The following NRK variants were observed in gnomAD, a reference collection of about 807,000 sequenced individuals.
NRK encodes nik-related protein kinase.
A neutral mutation model predicts 125.2 loss-of-function variants in NRK; 67 were observed. That is an observed-to-expected ratio of 0.54 (90% confidence interval 0.44 to 0.66). The LOEUF is 0.66. Ranked by LOEUF, NRK falls within the 30% of genes least tolerant of loss-of-function variation. The pLI is 0.00. For synonymous variants in NRK, 458 were observed against 429.0 expected (o/e 1.07, Z -0.84); for missense variants, 1,224 against 1,192.9 (o/e 1.03, Z -0.38).
At chrX:105,902,705 C>A (rs988740678) in intron 9 of NRK, among the ~76,000 whole-genome samples, 1 of 111,836 alleles carries the variant, frequency 8.9e-6, no homozygotes, top group African/African-American at 3.3e-5. Context: ...TGACTCCTGT[C>A]AGATCAGCAA....
upstream of NRK, among the ~76,000 whole-genome samples, chrX:105,822,352 C>T (rs2039031608): frequency 9.0e-6 from 1 of 111,727 alleles, no homozygotes; most frequent in African/African-American, 3.3e-5. Context: ...CGCGAAGGGC[C>T]TGCTCGCAAA....
At position 105,908,769 on chromosome X, in the gene NRK, C is replaced by T. The variant is rs1799370147; in HGVS notation, c.1128C>T (p.Ser376=). The T allele has an allele frequency of 8.3e-7, 1 of 1,202,905 alleles. No homozygotes were observed. The highest frequency in any genetic ancestry group is 1.8e-5 in the African/African-American group (1 of 57,016). The change falls in exon 13 of 29, where the codon AGC becomes AGT. Residue 376 remains serine (S), a synonymous_variant. Coordinates refer to ENST00000243300, the MANE Select transcript of NRK (RefSeq NM_198465.4). Reference sequence around the variant, plus strand: ...ACGAGCTTCTGAGATTGCCAACCAGCAGCAGATGCAGACCACTTAGAGTCC... The same window carrying T: ...ACGAGCTTCTGAGATTGCCAACCAGTAGCAGATGCAGACCACTTAGAGTCC... ...CTHELLRLPT[S]SRCRPLRVLH... is the part of the protein sequence containing the mutation.
chrX:105,951,688 A>G (rs1435258979), intron 27 of NRK, among the ~76,000 whole-genome samples: 2 of 112,280 alleles, frequency 1.8e-5, no homozygotes, highest in Non-Finnish European at 3.8e-5. Context: ...AGGCTTAACA[A>G]TTGCATCAGG....
At chrX:105,949,551 A>C in intron 26 of NRK, 24 bp from the exon 27 acceptor site, 1 of 1,149,984 alleles carries the variant, frequency 8.7e-7, no homozygotes, top group Non-Finnish European at 1.2e-6. Context: ...TGGACATATA[A>C]ATCTTTATGA....
intron 5 of NRK, among the ~76,000 whole-genome samples, chrX:105,889,805 C>T (rs1295569135): frequency 8.9e-6 from 1 of 112,351 alleles, no homozygotes; most frequent in Non-Finnish European, 1.9e-5. Flanking sequence ...AGTCCCTAGG[C>T]TGCACACAGC....
chrX:105,853,706 T>C (rs2039500496), intron 2 of NRK, among the ~76,000 whole-genome samples: 1 of 112,303 alleles, frequency 8.9e-6, no homozygotes, highest in South Asian at 3.6e-4. Flanking sequence ...GTTCTTAGGA[T>C]ATATAGATTT....
At chrX:105,952,390 G>A (rs1318626563) in intron 27 of NRK, among the ~76,000 whole-genome samples, 1 of 111,813 alleles carries the variant, frequency 8.9e-6, no homozygotes, top group East Asian at 2.8e-4. Flanking sequence ...TTAGGTTTAA[G>A]GCAATTATTG....
chrX:105,939,251 G>A (rs1238323682), intron 22 of NRK, among the ~76,000 whole-genome samples: 1 of 111,554 alleles, frequency 9.0e-6, no homozygotes, highest in Non-Finnish European at 1.9e-5. Flanking sequence ...TGATTATAAA[G>A]TCACTATATA....
rs1825294935 is a variant in NRK at position 105,956,487 on chromosome X, TCAGA to T, written c.*891_*894del. 1 of 111,912 alleles carries T rather than the reference TCAGA, an allele frequency of 8.9e-6. No homozygotes were observed. The highest frequency in any genetic ancestry group is 3.2e-5 in the African/African-American group (1 of 30,770). The allele number at this position is 111,912 out of a possible 1,213,427, so 9.2% of individuals were successfully genotyped here. On this transcript the variant is annotated 3_prime_UTR_variant, in exon 29 of 29. Coordinates refer to ENST00000243300, the MANE Select transcript of NRK (RefSeq NM_198465.4). ...TATTATCTGGCCAACAGTGTGACTATCAGACAGCATCAAATATTTGCCCAATCCA... is the reference window on the plus strand; with the variant it reads ...TATTATCTGGCCAACAGTGTGACTATCAGCATCAAATATTTGCCCAATCCA...
intron 19 of NRK, among the ~76,000 whole-genome samples, chrX:105,927,011 G>A (rs1182115345): frequency 9.0e-6 from 1 of 110,640 alleles, no homozygotes; most frequent in Admixed American, 9.6e-5. Context: ...TCCTATTTCT[G>A]TGAAGAATGT....
rs1228742237 is a variant in NRK, at chrX:105,923,144, A to T, written c.2637A>T (p.Lys879Asn). The T allele has an allele frequency of 8.3e-7, 1 of 1,200,759 alleles. No individual in the cohort carries two copies. Among genetic ancestry groups the T allele is most frequent in the African/African-American group, 1.8e-5 (1 of 56,867 alleles). ...TTCCAGATGGATTTAAAGTAGGAAA[A>T]ATATCACCCCCTGTATACTTGACAA... ...IHVPDGFKVG[K>N]ISPPVYLTNE... Residue 879 changes from lysine to asparagine, a missense_variant, in exon 18 of 29, where the codon AAA becomes AAT. Coordinates refer to ENST00000243300, the MANE Select transcript of NRK (RefSeq NM_198465.4).
chrX:105,953,230 A>G, intron 28 of NRK, 57 bp downstream of exon 28: 1 of 914,517 alleles, frequency 1.1e-6, no homozygotes, highest in East Asian at 3.5e-5. Flanking sequence ...AAAATGAACC[A>G]ACAAAAGAAA....
intron 5 of NRK, 72 bp from the exon 6 acceptor site, chrX:105,893,760 T>C: frequency 1.6e-6 from 1 of 620,539 alleles, no homozygotes; most frequent in Non-Finnish European, 2.7e-6. Flanking sequence ...ACAAGCCATA[T>C]GGACTAAAAC....
chrX:105,944,133 G>GT, intron 24 of NRK, 92 bp downstream of exon 24: 1 of 469,886 alleles, frequency 2.1e-6, no homozygotes, highest in Non-Finnish European at 3.6e-6. Context: ...AGATGCAGAA[G>GT]TATATACCAT....
chrX:105,906,768 T>C (rs983487481), intron 11 of NRK, among the ~76,000 whole-genome samples, 179 bp downstream of exon 11: 1 of 61,927 alleles, frequency 1.6e-5, no homozygotes, highest in Non-Finnish European at 3.1e-5. Context: ...CTCTTGCGTG[T>C]GTGTGTGTGT....
chrX:105,946,164 G>A (rs773389063), intron 25 of NRK, 149 bp downstream of exon 25: 125 of 724,031 alleles, frequency 1.7e-4, no homozygotes, highest in Non-Finnish European at 1.9e-4. Context: ...AAGAAAAACT[G>A]TAATACACAG....
At chrX:105,936,601 A>C (rs1385144090) in intron 21 of NRK, among the ~76,000 whole-genome samples, 6 of 111,871 alleles carry the variant, frequency 5.4e-5, no homozygotes. Flanking sequence ...CTCCAAGTGC[A>C]AGGAGGACTG....
In NRK at chrX:105,957,646, TC is replaced by T. The variant is rs1319837358; in HGVS notation, c.*2049del. The T allele has an allele frequency of 9.0e-6, 1 of 111,581 alleles. No individual in the cohort carries two copies. Among genetic ancestry groups the T allele is most frequent in the East Asian group, 2.8e-4 (1 of 3,580 alleles). The allele number at this position is 111,581 out of a possible 1,213,427, so 9.2% of individuals were successfully genotyped here. On this transcript the variant is annotated 3_prime_UTR_variant, in exon 29 of 29. Coordinates refer to ENST00000243300, the MANE Select transcript of NRK (RefSeq NM_198465.4). ...AAAGTGACCTGAATCTACAATGATGTCCCAAAGTAACCAAGTAAGAGAGATT... is the reference window on the plus strand; with the variant it reads ...AAAGTGACCTGAATCTACAATGATGTCCAAAGTAACCAAGTAAGAGAGATT...
intron 19 of NRK, among the ~76,000 whole-genome samples, chrX:105,931,591 T>TG (rs768584489): frequency 9.0e-6 from 1 of 110,723 alleles, no homozygotes; most frequent in Non-Finnish European, 1.9e-5. Context: ...GTAGGGGAGA[T>TG]GGGGCAGCAG....
Sources: allele counts gnomAD v4.1 joint callset (sites outside exome capture counted in the v4.1 genomes callset), GRCh38; gene constraint gnomAD v4.1.1; transcripts MANE v1.5; gene names NCBI Gene and HGNC (gene_info 2026-07-23, HGNC 2026-07-21).